Variants in RB1CC1 observed in about 807,000 individuals in gnomAD.
RB1CC1 encodes the protein RB1-inducible coiled-coil protein 1.
RB1CC1 carries 46 observed loss-of-function variants against 177.5 expected under a neutral mutation model. The ratio of observed to expected loss-of-function variants is 0.26; its 90% CI spans 0.20 to 0.33. The LOEUF (loss-of-function observed/expected upper bound fraction) is 0.33, where lower values mean the gene tolerates loss of function less well. RB1CC1 is among the 10% of genes least tolerant of loss of function. RB1CC1 has a pLI of 1.00. For missense variants in RB1CC1, 1,703 were observed against 1,816.3 expected, an observed-to-expected ratio of 0.94 and a Z score of 1.13; for synonymous variants, 666 against 613.6, an observed-to-expected ratio of 1.09 and a Z score of -1.26.
chr8:52,713,097 A>C (rs946554357), intron 1 of RB1CC1, among the ~76,000 whole-genome samples: 2 of 152,250 alleles, frequency 1.3e-5, no homozygotes, highest in African/African-American at 4.8e-5. Flanking sequence ...CTTCACCAAA[A>C]CACAAAAACT....
intron 15 of RB1CC1, among the ~76,000 whole-genome samples, chr8:52,652,748 A>C (rs1283723546): frequency 6.6e-6 from 1 of 152,242 alleles, no homozygotes; most frequent in Non-Finnish European, 1.5e-5. Context: ...AATTTTTACT[A>C]TCTGGACCTT....
At chr8:52,685,644 T>C in intron 2 of RB1CC1, 124 bp from the exon 3 acceptor site, 1 of 422,076 alleles carries the variant, frequency 2.4e-6, no homozygotes. Flanking sequence ...GGCTTTGATG[T>C]CTAGGATGGC....
At chr8:52,708,420 G>A (rs1267556619) in intron 1 of RB1CC1, among the ~76,000 whole-genome samples, 1 of 152,170 alleles carries the variant, frequency 6.6e-6, no homozygotes, top group East Asian at 1.9e-4. Flanking sequence ...GGGAGGCTGA[G>A]GTGGGAGAAT....
chr8:52,674,357 T>A (rs1852887989), intron 6 of RB1CC1, 83 bp from the exon 7 acceptor site: 2 of 1,204,098 alleles, frequency 1.7e-6, no homozygotes, highest in Non-Finnish European at 2.4e-6. Context: ...TCACATATTA[T>A]TATACACACA....
At chr8:52,685,160 C>A (rs1259775984) in intron 3 of RB1CC1, among the ~76,000 whole-genome samples, 1 of 152,002 alleles carries the variant, frequency 6.6e-6, no homozygotes, top group Non-Finnish European at 1.5e-5. Context: ...TGCGCCACCA[C>A]ACCCAGCTAA....
chr8:52,694,364 T>C (rs1431804652), intron 1 of RB1CC1, among the ~76,000 whole-genome samples: 1 of 151,750 alleles, frequency 6.6e-6, no homozygotes, highest in Non-Finnish European at 1.5e-5. Flanking sequence ...CCCAGGCTCA[T>C]CCCCCCCGGG....
chr8:52,711,023 C>A (rs1030102253), intron 1 of RB1CC1, among the ~76,000 whole-genome samples: 1 of 151,800 alleles, frequency 6.6e-6, no homozygotes, highest in African/African-American at 2.4e-5. Flanking sequence ...AAATGGAACA[C>A]AATTATTTTT....
At chr8:52,703,942 C>T (rs1856324897) in intron 1 of RB1CC1, among the ~76,000 whole-genome samples, 1 of 152,140 alleles carries the variant, frequency 6.6e-6, no homozygotes, top group African/African-American at 2.4e-5. Flanking sequence ...GCTATTTATT[C>T]ACAAGACTGT....
chr8:52,665,921 G>A (rs1021821184), intron 8 of RB1CC1, among the ~76,000 whole-genome samples: 1 of 152,252 alleles, frequency 6.6e-6, no homozygotes, highest in East Asian at 1.9e-4. Flanking sequence ...CCAGCCAAGG[G>A]AAGGTACAAT....
In RB1CC1 at chr8:52,623,461, A is replaced by G; in HGVS notation, c.*321T>C. The G allele has an allele frequency of 5.5e-6, 2 of 366,138 alleles. No individual in the cohort carries two copies. The highest frequency in any genetic ancestry group is 1.1e-5 in the Non-Finnish European group (2 of 188,844). 22.7% of individuals were successfully genotyped at this position (366,138 alleles called of 1,614,324 possible). A position where few individuals can be genotyped will look rare whatever the true frequency, so the allele number is the denominator to read the frequency against. On this transcript the variant is annotated 3_prime_UTR_variant, in exon 24 of 24. Transcript: ENST00000025008. Reference sequence around the variant, plus strand: ...TCAAGCTAGTGTATATTTAACAGGCAATTAATATGGCTCATCATAAGCCAC... The same window carrying G: ...TCAAGCTAGTGTATATTTAACAGGCGATTAATATGGCTCATCATAAGCCAC...
chr8:52,699,858 T>TATATATATATATATATACACAC (rs756226534), intron 1 of RB1CC1, among the ~76,000 whole-genome samples: 9 of 102,778 alleles, frequency 8.8e-5, no homozygotes, highest in African/African-American at 3.7e-4. Flanking sequence ...TATATATATA[T>TATATATATATATATATACACAC]ACACACAAAA....
intron 1 of RB1CC1, among the ~76,000 whole-genome samples, chr8:52,701,017 T>G (rs902490847): frequency 2.0e-5 from 3 of 152,230 alleles, no homozygotes; most frequent in African/African-American, 7.2e-5. Flanking sequence ...ACAAGTAAGT[T>G]GTATAAATTG....
intron 1 of RB1CC1, among the ~76,000 whole-genome samples, 197 bp from the exon 2 acceptor site, chr8:52,687,164 A>G (rs979397360): frequency 6.6e-6 from 1 of 152,158 alleles, no homozygotes; most frequent in Non-Finnish European, 1.5e-5. Flanking sequence ...AAAGTCACCA[A>G]TAAATTCCTC....
rs1855449166 is a variant in RB1CC1, at chr8:52,696,735, G to C, written c.-166-9768C>G. ...GTATTTTGGATAGCTGGGCACAGTG[G>C]CTCATGCCTGTAATTCTAGCACTTT... On this transcript the variant is annotated intron_variant, in intron 1 of 23. Transcript: ENST00000025008. Among the ~76,000 whole-genome samples the C allele has an allele frequency of 2.0e-5, 3 of 152,186 alleles. No individual in the cohort carries two copies. The South Asian group carries it at 6.2e-4, about 32-fold the overall frequency.
intron 1 of RB1CC1, among the ~76,000 whole-genome samples, chr8:52,688,100 C>T (rs1363191210): frequency 6.6e-6 from 1 of 152,156 alleles, no homozygotes; most frequent in Non-Finnish European, 1.5e-5. Flanking sequence ...CTTAGGACCA[C>T]TGTGATAATT....
intron 1 of RB1CC1, among the ~76,000 whole-genome samples, chr8:52,713,547 A>C (rs1485899026): frequency 2.0e-5 from 3 of 152,116 alleles, no homozygotes; most frequent in African/African-American, 7.2e-5. Context: ...GTCGGGACAA[A>C]GACATCATCT....
At chr8:52,665,760 C>T (rs1037762878) in intron 8 of RB1CC1, among the ~76,000 whole-genome samples, 1 of 151,998 alleles carries the variant, frequency 6.6e-6, no homozygotes, top group African/African-American at 2.4e-5. Context: ...AGGAGAAGAA[C>T]GAAACCAAGA....
chr8:52,660,590 A>G lies in RB1CC1; in HGVS notation c.1689+6T>C. The G allele has an allele frequency of 6.3e-7, 1 of 1,581,282 alleles. No homozygotes were observed. Among genetic ancestry groups the G allele is most frequent in the Non-Finnish European group, 8.6e-7 (1 of 1,167,064 alleles). On this transcript the variant is annotated splice_donor_region_variant and intron_variant, in intron 12 of 23. Transcript: ENST00000025008. ...ATTTAGTCATGGTTAGAAAATAAAT[A>G]CATACACAAAAGGAAGGGGGCCAGG...
At chr8:52,665,770 A>G (rs897796261) in intron 8 of RB1CC1, among the ~76,000 whole-genome samples, 5 of 152,166 alleles carry the variant, frequency 3.3e-5, no homozygotes, top group Non-Finnish European at 7.4e-5. Flanking sequence ...CGAAACCAAG[A>G]GAGAGAAATT....
Sources: allele counts gnomAD v4.1 joint callset (sites outside exome capture counted in the v4.1 genomes callset), GRCh38; gene constraint gnomAD v4.1.1; transcripts MANE v1.5; gene names NCBI Gene and HGNC (gene_info 2026-07-23, HGNC 2026-07-21).